LINGO2: variants seen among roughly 807,000 people sequenced by gnomAD.
The protein encoded by LINGO2 is leucine rich repeat and Ig domain containing 2, also known as leucine-rich repeat and immunoglobulin-like domain-containing nogo receptor-interacting protein 2.
Under a neutral mutation model 30.6 loss-of-function variants are expected in LINGO2, and 14 were observed. The ratio of observed to expected loss-of-function variants is 0.46; its 90% CI spans 0.30 to 0.72. LINGO2 has a LOEUF of 0.72. Among genes scored for constraint, LINGO2 ranks in the 30% least tolerant of loss-of-function variants. The pLI is 0.07. For synonymous variants in LINGO2, 317 were observed against 288.5 expected, an observed-to-expected ratio of 1.10 and a Z score of -1.00; for missense variants, 729 against 751.7, an observed-to-expected ratio of 0.97 and a Z score of 0.35.
At chr9:28,040,246 G>A (rs990996806) in intron 4 of LINGO2, among the ~76,000 whole-genome samples, 53 of 152,120 alleles carry the variant, frequency 3.5e-4, no homozygotes, top group African/African-American at 1.2e-3. Flanking sequence ...TGCAGTTGCA[G>A]CAAAGGCAAA....
chr9:28,988,067 AG>A, the LINGO2 span, among the ~76,000 whole-genome samples: 1 of 152,174 alleles, frequency 6.6e-6, no homozygotes, highest in African/African-American at 2.4e-5. Context: ...AGTGTTGTTC[AG>A]TTCCAGTGTT....
chr9:28,809,957 C>T, the LINGO2 span, among the ~76,000 whole-genome samples: 3 of 152,098 alleles, frequency 2.0e-5, no homozygotes, highest in East Asian at 1.9e-4. Context: ...TACCCTTCAC[C>T]TCACACAAAC....
chr9:28,031,635 T>C (rs572958761), intron 4 of LINGO2, among the ~76,000 whole-genome samples: 5 of 152,274 alleles, frequency 3.3e-5, no homozygotes, highest in South Asian at 2.1e-4. Context: ...CCACACAACA[T>C]TGGTTTTGGG....
At chr9:28,583,653 G>T (rs1521740) in intron 1 of LINGO2, among the ~76,000 whole-genome samples, 41 of 151,906 alleles carry the variant, frequency 2.7e-4, no homozygotes, top group African/African-American at 8.4e-4. Context: ...ACATTTTGGT[G>T]GATATTTATC....
At chr9:28,308,579 A>T (rs2134242274) in intron 3 of LINGO2, among the ~76,000 whole-genome samples, 1 of 145,772 alleles carries the variant, frequency 6.9e-6, no homozygotes, top group East Asian at 2.2e-4. Context: ...AAATTGACAA[A>T]CGGGATCTCA....
At chr9:28,556,026 G>C (rs887789083) in intron 1 of LINGO2, among the ~76,000 whole-genome samples, 118 of 151,956 alleles carry the variant, frequency 7.8e-4, no homozygotes, top group African/African-American at 2.3e-3. Flanking sequence ...ATGACAAACC[G>C]ACAGCCAATA....
the LINGO2 span, among the ~76,000 whole-genome samples, chr9:29,073,226 AAT>A: frequency 6.6e-6 from 1 of 152,282 alleles, no homozygotes; most frequent in Admixed American, 6.5e-5. Context: ...TTAACATGGA[AAT>A]ATGTTTCATT....
At chr9:28,638,388 G>A (rs1213608367) in intron 1 of LINGO2, among the ~76,000 whole-genome samples, 2 of 152,168 alleles carry the variant, frequency 1.3e-5, no homozygotes, top group African/African-American at 4.8e-5. Context: ...AGTTTCAGAA[G>A]GAATGGTACC....
At chr9:28,480,898 T>C (rs1825936352) in intron 1 of LINGO2, among the ~76,000 whole-genome samples, 1 of 152,156 alleles carries the variant, frequency 6.6e-6, no homozygotes, top group African/African-American at 2.4e-5. Flanking sequence ...TCCAACCACC[T>C]CTTGCCCCTT....
At chr9:28,909,013 T>C in the LINGO2 span, among the ~76,000 whole-genome samples, 3 of 151,908 alleles carry the variant, frequency 2.0e-5, no homozygotes, top group Admixed American at 1.3e-4. Flanking sequence ...AGAAAAGCAA[T>C]TGGACAGGAA....
At chr9:27,981,265 C>A (rs72722844) in intron 5 of LINGO2, among the ~76,000 whole-genome samples, 1 of 151,640 alleles carries the variant, frequency 6.6e-6, no homozygotes, top group Non-Finnish European at 1.5e-5. Context: ...TGTTTTATCT[C>A]ACCTAGTCCT....
chr9:28,970,726 G>C, the LINGO2 span, among the ~76,000 whole-genome samples: 1 of 152,188 alleles, frequency 6.6e-6, no homozygotes, highest in Non-Finnish European at 1.5e-5. Context: ...CCAGAAGTCA[G>C]AACTTGAGTT....
At chr9:28,706,762 T>C in the LINGO2 span, among the ~76,000 whole-genome samples, 2 of 152,138 alleles carry the variant, frequency 1.3e-5, no homozygotes, top group African/African-American at 4.8e-5. Context: ...CACACTTGTG[T>C]ATCACTCATC....
the LINGO2 span, among the ~76,000 whole-genome samples, chr9:28,685,375 AG>A: frequency 3.3e-5 from 5 of 152,194 alleles, no homozygotes; most frequent in Non-Finnish European, 2.9e-5. Context: ...AGTAAACAGT[AG>A]TTGACAGCTG....
chr9:28,882,760 C>T, the LINGO2 span, among the ~76,000 whole-genome samples: 9 of 152,066 alleles, frequency 5.9e-5, no homozygotes, highest in African/African-American at 2.2e-4. Context: ...TTATTGTTAC[C>T]TCATCCTCCC....
intron 3 of LINGO2, among the ~76,000 whole-genome samples, chr9:28,323,436 C>A (rs13288522): frequency 6.6e-6 from 1 of 151,980 alleles, no homozygotes; most frequent in South Asian, 2.1e-4. Flanking sequence ...GCCACCTCTA[C>A]TAAAAATACA....
chr9:29,160,649 G>T, the LINGO2 span, among the ~76,000 whole-genome samples: 16 of 152,158 alleles, frequency 1.1e-4, no homozygotes, highest in African/African-American at 3.9e-4. Context: ...GTTACATATA[G>T]ATTTGATTAT....
the LINGO2 span, among the ~76,000 whole-genome samples, chr9:28,689,074 T>G: frequency 6.6e-6 from 1 of 152,236 alleles, no homozygotes; most frequent in Non-Finnish European, 1.5e-5. Flanking sequence ...TCCATGATTC[T>G]GTAAGACTGT....
chr9:29,051,955 A>T, the LINGO2 span, among the ~76,000 whole-genome samples: 1 of 152,218 alleles, frequency 6.6e-6, no homozygotes, highest in Non-Finnish European at 1.5e-5. Context: ...CATCTGGCAC[A>T]TAATAAGCAG....
Sources: allele counts gnomAD v4.1 joint callset (sites outside exome capture counted in the v4.1 genomes callset), GRCh38; gene constraint gnomAD v4.1.1; transcripts MANE v1.5; gene names NCBI Gene and HGNC (gene_info 2026-07-23, HGNC 2026-07-21).